The following TPPP3 variants were observed in gnomAD, a reference collection of about 807,000 sequenced individuals.
TPPP3 encodes the protein tubulin polymerization promoting protein family member 3.
In TPPP3, 7 loss-of-function variants were observed where a neutral mutation model predicts 13.1. The observed-to-expected ratio is 0.54, with a 90% CI of 0.30 to 1.01. TPPP3 has a LOEUF of 1.01. Ranked by LOEUF, TPPP3 falls within the 50% of genes least tolerant of loss-of-function variation. The pLI, the probability that TPPP3 is intolerant of heterozygous loss-of-function variation, is 0.06. For synonymous variants in TPPP3, 87 were observed against 93.7 expected (o/e 0.93, Z 0.41); for missense variants, 185 against 235.0 (o/e 0.79, Z 1.39).
rs1036326808 is a variant in TPPP3 at position 67,389,973 on chromosome 16, G to A, written c.*201C>T. 3.5e-5 allele frequency: 21 copies of A among 593,466 alleles called. No individual in the cohort carries two copies. Among genetic ancestry groups the A allele is most frequent in the Non-Finnish European group, 5.7e-5 (19 of 336,236 alleles). The allele number at this position is 593,466 out of a possible 1,614,324, so 36.8% of individuals were successfully genotyped here. ...TGTCCCCAGGTGGACAGAAGTTGGAGCAGGAAGAGGAGGAGGAAGGGGCCG... is the reference window on the plus strand; with the variant it reads ...TGTCCCCAGGTGGACAGAAGTTGGAACAGGAAGAGGAGGAGGAAGGGGCCG... On this transcript the variant is annotated 3_prime_UTR_variant, in exon 4 of 4. Coordinates refer to ENST00000393957, the MANE Select transcript of TPPP3 (RefSeq NM_015964.4).
At position 67,391,167 on chromosome 16, in the gene TPPP3, C is replaced by T. The variant is rs1263897985; in HGVS notation, c.-6-50G>A. The T allele has an allele frequency of 5.7e-6, 9 of 1,575,176 alleles. No individual in the cohort carries two copies. Among genetic ancestry groups the T allele is most frequent in the Non-Finnish European group, 7.8e-6 (9 of 1,152,622 alleles). ...TCCCAGCCAATCTGCCCTTCCCCTC[C>T]CCCAAGCCCAGAACATCCCAGCCTC... is the stretch of plus-strand genomic sequence containing the variant. On this transcript the variant is annotated intron_variant, in intron 1 of 3. Coordinates refer to ENST00000393957, the MANE Select transcript of TPPP3 (RefSeq NM_015964.4). The surrounding 1 kb of genome is among the most constrained non-coding windows in gnomAD (Gnocchi z 6.3).
rs1185410692 is a variant in TPPP3 at position 67,392,869 on chromosome 16, C to T, written c.-7+511G>A. 1 of 669,614 alleles carries T rather than the reference C, an allele frequency of 1.5e-6. No homozygotes were observed. Among genetic ancestry groups the T allele is most frequent in the Non-Finnish European group, 1.8e-6 (1 of 541,292 alleles). 41.5% of individuals were successfully genotyped at this position (669,614 alleles called of 1,614,324 possible). ...ACCGGTGGTTCCTACGTTACAGGGA[C>T]CATAACCCCAGTCCACGCTGCACTC... On this transcript the variant is annotated intron_variant, in intron 1 of 3. Transcript: ENST00000393957. This position sits in a 1 kb window ranked among gnomAD's most constrained non-coding sequence, Gnocchi z 4.9.
Position 67,393,219 on chromosome 16 carries a change from G to T in TPPP3, c.-7+161C>A. ...CAATCAGCCGGACCAGGAGGTGGGG[G>T]CTGCGAGGTGGAATGCTTGGGGCCA... On this transcript the variant is annotated intron_variant, in intron 1 of 3. Transcript: ENST00000393957. The surrounding 1 kb of genome is among the most constrained non-coding windows in gnomAD (Gnocchi z 5.4). 1 of 700,984 alleles carries T rather than the reference G, an allele frequency of 1.4e-6. No homozygotes were observed. The highest frequency in any genetic ancestry group is 1.8e-6 in the Non-Finnish European group (1 of 570,150). 43.4% of individuals were successfully genotyped at this position (700,984 alleles called of 1,614,324 possible). A position where few individuals can be genotyped will look rare whatever the true frequency, so the allele number is the denominator to read the frequency against.
Position 67,392,859 on chromosome 16 carries a change from G to T in TPPP3, c.-7+521C>A. On this transcript the variant is annotated intron_variant, in intron 1 of 3. Coordinates refer to ENST00000393957, the MANE Select transcript of TPPP3 (RefSeq NM_015964.4). The surrounding 1 kb of genome is among the most constrained non-coding windows in gnomAD (Gnocchi z 4.9). ...GACTGTGAGCACCGGTGGTTCCTACGTTACAGGGACCATAACCCCAGTCCA... is the reference window on the plus strand; with the variant it reads ...GACTGTGAGCACCGGTGGTTCCTACTTTACAGGGACCATAACCCCAGTCCA... 1.7e-6 allele frequency: 1 copy of T among 578,550 alleles called. No individual in the cohort carries two copies. The highest frequency in any genetic ancestry group is 2.2e-6 in the Non-Finnish European group (1 of 458,116). 35.8% of individuals were successfully genotyped at this position (578,550 alleles called of 1,614,324 possible). A position where few individuals can be genotyped will look rare whatever the true frequency, so the allele number is the denominator to read the frequency against.
In TPPP3 at chr16:67,390,153, G is replaced by A; in HGVS notation, c.*21C>T. The A allele has an allele frequency of 2.5e-6, 4 of 1,609,326 alleles. No homozygotes were observed. The highest frequency in any genetic ancestry group is 3.4e-6 in the Non-Finnish European group (4 of 1,176,426). On this transcript the variant is annotated 3_prime_UTR_variant, in exon 4 of 4. Transcript: ENST00000393957. The surrounding 1 kb of genome is among the most constrained non-coding windows in gnomAD (Gnocchi z 6.4). ...CCTCTGGCAGGGGCAGCCGCACTTG[G>A]CAGGGCGGTCTTCCCAAGCCTCACT...
chr16:67,392,186 T>C lies in TPPP3; in HGVS notation c.-6-1069A>G, dbSNP rs1437210603. 4.0e-5 allele frequency among the ~76,000 whole-genome samples: 6 copies of C among 151,312 alleles called. No homozygotes were observed. The highest frequency in any genetic ancestry group is 7.4e-5 in the Non-Finnish European group (5 of 67,806). ...CCCCTGGGCCTTGTACCCCTGGCCATACCTTCAGCCCTCCATCCTCCATCT... is the reference window on the plus strand; with the variant it reads ...CCCCTGGGCCTTGTACCCCTGGCCACACCTTCAGCCCTCCATCCTCCATCT... On this transcript the variant is annotated intron_variant, in intron 1 of 3. Coordinates refer to ENST00000393957, the MANE Select transcript of TPPP3 (RefSeq NM_015964.4). This position sits in a 1 kb window ranked among gnomAD's most constrained non-coding sequence, Gnocchi z 4.9.
rs2040354890 is a variant in TPPP3 at position 67,393,438 on chromosome 16, AT to A, written c.-66del. ...GACAGAACGACGCAGGAATGGACCG[AT>A]GGACGCGGGAGACCAGGCGGCTCCG... On this transcript the variant is annotated 5_prime_UTR_variant, in exon 1 of 4. Transcript: ENST00000393957. This position sits in a 1 kb window ranked among gnomAD's most constrained non-coding sequence, Gnocchi z 5.4. 1 of 985,454 alleles carries A rather than the reference AT, an allele frequency of 1.0e-6. No individual in the cohort carries two copies. The highest frequency in any genetic ancestry group is 1.7e-5 in the African/African-American group (1 of 57,240). 61.0% of individuals were successfully genotyped at this position (985,454 alleles called of 1,614,324 possible). A position where few individuals can be genotyped will look rare whatever the true frequency, so the allele number is the denominator to read the frequency against.
rs569897149 is a variant in TPPP3, at chr16:67,392,834, G to T, written c.-7+546C>A. 35 of 402,828 alleles carry T rather than the reference G, an allele frequency of 8.7e-5. No individual in the cohort carries two copies. The highest frequency in any genetic ancestry group is 6.5e-4 in the African/African-American group (30 of 46,144). 25.0% of individuals were successfully genotyped at this position (402,828 alleles called of 1,614,324 possible). The stretch of plus-strand genomic sequence containing the variant: ...CCCATCCCTAAGTGGCAGTTTCTGG[G>T]ACTGTGAGCACCGGTGGTTCCTACG... On this transcript the variant is annotated intron_variant, in intron 1 of 3. Coordinates refer to ENST00000393957, the MANE Select transcript of TPPP3 (RefSeq NM_015964.4). The surrounding 1 kb of genome is among the most constrained non-coding windows in gnomAD (Gnocchi z 4.9).
rs1267653796 is a variant in TPPP3 at position 67,390,364 on chromosome 16, T to C, written c.343-2A>G. 1 of 1,613,078 alleles carries C rather than the reference T, an allele frequency of 6.2e-7. No individual in the cohort carries two copies. Among genetic ancestry groups the C allele is most frequent in the Admixed American group, 1.7e-5 (1 of 59,992 alleles). ...TACAGCACCCCCTGTTTTTGCTTTC[T>C]GTTTGGACAGAGTTTCCCCAGGGGC... On this transcript the variant is annotated splice_acceptor_variant, in intron 3 of 3. Transcript: ENST00000393957. LOFTEE classifies it high-confidence loss of function. The surrounding 1 kb of genome is among the most constrained non-coding windows in gnomAD (Gnocchi z 6.4).
Position 67,390,588 on chromosome 16 carries a change from G to C in TPPP3, c.233C>G (p.Ala78Gly). ...TCTCTTGGTCGCCAGCTCTTCCAGG[G>C]CCTTCTTGAACTCCTCATAGTTGAT... Reference protein sequence around the residue: ...RVINYEEFKKALEELATKRFK... With the variant: ...RVINYEEFKKGLEELATKRFK... The change falls in exon 3 of 4, where the codon GCC (alanine) becomes GGC (glycine). Residue 78 changes from alanine (A) to glycine (G), a missense_variant. Transcript: ENST00000393957. This position sits in a 1 kb window ranked among gnomAD's most constrained non-coding sequence, Gnocchi z 6.4. The C allele has an allele frequency of 6.2e-7, 1 of 1,613,888 alleles. No individual in the cohort carries two copies. The highest frequency in any genetic ancestry group is 1.3e-5 in the African/African-American group (1 of 75,042).
In TPPP3 at chr16:67,390,715, C is replaced by T. The variant is rs2040317093; in HGVS notation, c.189-83G>A. 1.3e-6 allele frequency: 2 copies of T among 1,530,726 alleles called. No homozygotes were observed. The highest frequency in any genetic ancestry group is 2.1e-5 in the Admixed American group (1 of 48,458). 94.8% of individuals were successfully genotyped at this position (1,530,726 alleles called of 1,614,324 possible). ...AGCTCAAACACATTTGCTGCCACCACAAATTATGCAATTGCGTTTCTTTCC... is the reference window on the plus strand; with the variant it reads ...AGCTCAAACACATTTGCTGCCACCATAAATTATGCAATTGCGTTTCTTTCC... On this transcript the variant is annotated intron_variant, in intron 2 of 3. Coordinates refer to ENST00000393957, the MANE Select transcript of TPPP3 (RefSeq NM_015964.4). This position sits in a 1 kb window ranked among gnomAD's most constrained non-coding sequence, Gnocchi z 6.4.
chr16:67,393,315 C>G lies in TPPP3; in HGVS notation c.-7+65G>C, dbSNP rs1008437552. 6 of 985,166 alleles carry G rather than the reference C, an allele frequency of 6.1e-6. No individual in the cohort carries two copies. The highest frequency in any genetic ancestry group is 1.1e-4 in the East Asian group (1 of 8,810). 61.0% of individuals were successfully genotyped at this position (985,166 alleles called of 1,614,324 possible). ...TGGGACCCTTTCCAGGCTGCTCCCCCCAACCCTCATCGTGCAGGATACTGA... is the reference window on the plus strand; with the variant it reads ...TGGGACCCTTTCCAGGCTGCTCCCCGCAACCCTCATCGTGCAGGATACTGA... On this transcript the variant is annotated intron_variant, in intron 1 of 3. Transcript: ENST00000393957. The surrounding 1 kb of genome is among the most constrained non-coding windows in gnomAD (Gnocchi z 5.4).
chr16:67,391,472 T>A lies in TPPP3; in HGVS notation c.-6-355A>T. On this transcript the variant is annotated intron_variant, in intron 1 of 3. Coordinates refer to ENST00000393957, the MANE Select transcript of TPPP3 (RefSeq NM_015964.4). This position sits in a 1 kb window ranked among gnomAD's most constrained non-coding sequence, Gnocchi z 6.3. ...GCCCTGGCACAAGGCCTTGCTTGGG[T>A]GGAAGTGAGGGTGGCAGAGCAGGCC... 4.6e-6 allele frequency: 1 copy of A among 219,452 alleles called. No individual in the cohort carries two copies. The highest frequency in any genetic ancestry group is 2.3e-5 in the African/African-American group (1 of 43,858). 13.6% of individuals were successfully genotyped at this position (219,452 alleles called of 1,614,324 possible).
chr16:67,390,246 G>A lies in TPPP3; in HGVS notation c.459C>T (p.Asp153=), dbSNP rs35816640. The A allele has an allele frequency of 2.8e-5, 45 of 1,614,244 alleles. No individual in the cohort carries two copies. In the East Asian group the frequency reaches 1.0e-3, roughly 36 times the overall value. ...TCACGTAGCCACTGTCGTCCAGGATGTCCTGCCGTCCCGCAATGCCCTTGC... is the reference window on the plus strand; with the variant it reads ...TCACGTAGCCACTGTCGTCCAGGATATCCTGCCGTCCCGCAATGCCCTTGC... ...GKGKGIAGRQ[D]ILDDSGYVSA... is the part of the protein sequence containing the mutation. The change falls in exon 4 of 4, where the codon GAC becomes GAT. Residue 153 remains aspartate, a synonymous_variant. Transcript: ENST00000393957. The surrounding 1 kb of genome is among the most constrained non-coding windows in gnomAD (Gnocchi z 6.4).
rs1372861750 is a variant in TPPP3 at position 67,392,476 on chromosome 16, A to G, written c.-7+904T>C. Reference sequence around the variant, plus strand: ...TAGCCTCAGCCACTCACCCCCTCCAATACCCGCAGCCCTTTATCAAGGCGC... The same window carrying G: ...TAGCCTCAGCCACTCACCCCCTCCAGTACCCGCAGCCCTTTATCAAGGCGC... On this transcript the variant is annotated intron_variant, in intron 1 of 3. Transcript: ENST00000393957. The surrounding 1 kb of genome is among the most constrained non-coding windows in gnomAD (Gnocchi z 4.9). Among the ~76,000 whole-genome samples the G allele has an allele frequency of 6.6e-6, 1 of 151,206 alleles. No homozygotes were observed. The highest frequency in any genetic ancestry group is 6.6e-5 in the Admixed American group (1 of 15,204).
chr16:67,390,370 G>A lies in TPPP3; in HGVS notation c.343-8C>T. Reference sequence around the variant, plus strand: ...ACCCCCTGTTTTTGCTTTCTGTTTGGACAGAGTTTCCCCAGGGGCACCTGA... The same window carrying A: ...ACCCCCTGTTTTTGCTTTCTGTTTGAACAGAGTTTCCCCAGGGGCACCTGA... On this transcript the variant is annotated splice_region_variant and splice_polypyrimidine_tract_variant and intron_variant, in intron 3 of 3. Coordinates refer to ENST00000393957, the MANE Select transcript of TPPP3 (RefSeq NM_015964.4). This position sits in a 1 kb window ranked among gnomAD's most constrained non-coding sequence, Gnocchi z 6.4. The A allele has an allele frequency of 6.2e-7, 1 of 1,612,370 alleles. No individual in the cohort carries two copies. The highest frequency in any genetic ancestry group is 8.5e-7 in the Non-Finnish European group (1 of 1,178,550).
In TPPP3 at chr16:67,393,452, C is replaced by T; in HGVS notation, c.-79G>A. 1 of 985,662 alleles carries T rather than the reference C, an allele frequency of 1.0e-6. No homozygotes were observed. Among genetic ancestry groups the T allele is most frequent in the Non-Finnish European group, 1.2e-6 (1 of 830,110 alleles). 61.1% of individuals were successfully genotyped at this position (985,662 alleles called of 1,614,324 possible). ...GGAATGGACCGATGGACGCGGGAGA[C>T]CAGGCGGCTCCGCAGCTCCGCTCCC... On this transcript the variant is annotated 5_prime_UTR_variant, in exon 1 of 4. Transcript: ENST00000393957. The surrounding 1 kb of genome is among the most constrained non-coding windows in gnomAD (Gnocchi z 5.4).
At position 67,391,605 on chromosome 16, in the gene TPPP3, A is replaced by T. The variant is rs1223470862; in HGVS notation, c.-6-488T>A. 6.4e-6 allele frequency: 1 copy of T among 155,908 alleles called. No homozygotes were observed. The highest frequency in any genetic ancestry group is 2.4e-5 in the African/African-American group (1 of 41,558). 9.7% of individuals were successfully genotyped at this position (155,908 alleles called of 1,614,324 possible). A position where few individuals can be genotyped will look rare whatever the true frequency, so the allele number is the denominator to read the frequency against. On this transcript the variant is annotated intron_variant, in intron 1 of 3. Coordinates refer to ENST00000393957, the MANE Select transcript of TPPP3 (RefSeq NM_015964.4). This position sits in a 1 kb window ranked among gnomAD's most constrained non-coding sequence, Gnocchi z 6.3. ...TCTGTAAGGGTCATGAGGACCCAGCAAGAGCCAGTCTGGGCACGGGTGCAT... is the reference window on the plus strand; with the variant it reads ...TCTGTAAGGGTCATGAGGACCCAGCTAGAGCCAGTCTGGGCACGGGTGCAT...
Position 67,390,296 on chromosome 16 carries a change from C to G in TPPP3, c.409G>C (p.Glu137Gln). Residue 137 changes from glutamate (E) to glutamine (Q), a missense_variant, in exon 4 of 4, where the codon GAG becomes CAG. Glu to Gln is a conservative substitution (Grantham distance 29, BLOSUM62 2). Coordinates refer to ENST00000393957, the MANE Select transcript of TPPP3 (RefSeq NM_015964.4). This position sits in a 1 kb window ranked among gnomAD's most constrained non-coding sequence, Gnocchi z 6.4. The stretch of plus-strand genomic sequence containing the variant: ...CCCTTGCCGCTCTCATCGAAGCGCT[C>G]CTTGTGGGAGCCCGTGTATCTGCTG... ...DTSRYTGSHK[E>Q]RFDESGKGKG... 1 of 1,614,228 alleles carries G rather than the reference C, an allele frequency of 6.2e-7. No homozygotes were observed. Among genetic ancestry groups the G allele is most frequent in the Non-Finnish European group, 8.5e-7 (1 of 1,180,022 alleles).
Sources: allele counts gnomAD v4.1 joint callset (sites outside exome capture counted in the v4.1 genomes callset), GRCh38; gene constraint gnomAD v4.1.1; non-coding constraint Gnocchi (gnomAD v3.1); transcripts MANE v1.5; gene names NCBI Gene and HGNC (gene_info 2026-07-23, HGNC 2026-07-21).